The following CUX1 variants were observed in gnomAD, a reference collection of about 807,000 sequenced individuals.
The protein encoded by CUX1 is cut like homeobox 1, also known as protein CASP.
Under a neutral mutation model 158.8 loss-of-function variants are expected in CUX1, and 31 were observed. That is an observed-to-expected ratio of 0.20 (90% CI 0.15 to 0.26). The LOEUF (loss-of-function observed/expected upper bound fraction) is 0.26, where lower values mean the gene tolerates loss of function less well. Among genes scored for constraint, CUX1 ranks in the 10% least tolerant of loss-of-function variants. The pLI is 1.00. For synonymous variants in CUX1, 879 were observed against 862.1 expected (o/e 1.02, Z -0.34); for missense variants, 1,589 against 2,014.6 (o/e 0.79, Z 4.04).
chr7:101,962,132 AAACT>A (rs776164920), intron 2 of CUX1, among the ~76,000 whole-genome samples: 14 of 152,206 alleles, frequency 9.2e-5, no homozygotes, highest in Non-Finnish European at 2.1e-4. Flanking sequence ...AGAAAAATAT[AAACT>A]AACAGTAACA....
chr7:101,846,741 C>T (rs905881327), intron 1 of CUX1, among the ~76,000 whole-genome samples: 14 of 152,092 alleles, frequency 9.2e-5, no homozygotes, highest in African/African-American at 3.4e-4. Context: ...GGCAGCCCCA[C>T]GGACAGTAGC....
At chr7:101,939,823 C>T (rs1164094227) in intron 2 of CUX1, among the ~76,000 whole-genome samples, 2 of 151,768 alleles carry the variant, frequency 1.3e-5, no homozygotes, top group African/African-American at 4.8e-5. Flanking sequence ...TGGGGCTGAG[C>T]GCGGTAGCTC....
intron 1 of CUX1, among the ~76,000 whole-genome samples, chr7:101,902,081 T>G (rs1339172975): frequency 6.6e-6 from 1 of 152,208 alleles, no homozygotes; most frequent in Non-Finnish European, 1.5e-5. Context: ...CGTCTCGTTT[T>G]TCACTGATGA....
chr7:101,873,993 C>A (rs962407016), intron 1 of CUX1, among the ~76,000 whole-genome samples: 2 of 152,210 alleles, frequency 1.3e-5, no homozygotes, highest in Non-Finnish European at 2.9e-5. Context: ...AGTAAAGAGG[C>A]CCACAGTGCC....
chr7:102,173,744 G>A (rs1269674420), intron 10 of CUX1, among the ~76,000 whole-genome samples: 1 of 152,158 alleles, frequency 6.6e-6, no homozygotes, highest in Non-Finnish European at 1.5e-5. Context: ...GTTTTTGCAG[G>A]TAGAGTCCGT....
chr7:101,921,239 C>A (rs1332444883), intron 2 of CUX1, among the ~76,000 whole-genome samples: 1 of 152,140 alleles, frequency 6.6e-6, no homozygotes, highest in African/African-American at 2.4e-5. Context: ...CAGGGCCCCG[C>A]TCGCAGGGTT....
intron 8 of CUX1, among the ~76,000 whole-genome samples, chr7:102,150,126 A>C (rs186147844): frequency 6.6e-6 from 1 of 152,008 alleles, no homozygotes; most frequent in Non-Finnish European, 1.5e-5. Flanking sequence ...TATTGAGACT[A>C]TTGGTGGGTT....
In CUX1 at chr7:102,248,454, CG is replaced by C; in HGVS notation, c.3933del (p.Ser1312ValfsTer173). 1 of 1,598,954 alleles carries C rather than the reference CG, an allele frequency of 6.3e-7. No individual in the cohort carries two copies. On this transcript the variant is annotated frameshift_variant, in exon 24 of 24. Coordinates refer to ENST00000292535, the MANE Select transcript of CUX1 (RefSeq NM_181552.4). LOFTEE classifies it low-confidence loss of function (END_TRUNC). This position sits in a 1 kb window ranked among gnomAD's most constrained non-coding sequence, Gnocchi z 5.8. ...AACTGTTCATTGAGGAAATTCAGGC[CG>C]GGAGTCAGGGCCAGGCGGGCGCCAG... is the stretch of plus-strand genomic sequence containing the variant. ...RELFIEEIQA[G>X]SQGQAGASDS...
At chr7:102,117,538 G>C (rs555092877) in intron 8 of CUX1, among the ~76,000 whole-genome samples, 35 of 152,222 alleles carry the variant, frequency 2.3e-4, no homozygotes, top group African/African-American at 8.2e-4. Flanking sequence ...CTGAAGGTGA[G>C]GGCCCCCTCG....
chr7:101,854,287 G>A (rs371372583), intron 1 of CUX1, among the ~76,000 whole-genome samples: 28 of 152,108 alleles, frequency 1.8e-4, no homozygotes, highest in Admixed American at 3.9e-4. Context: ...CCTTCTAGCC[G>A]GGCTGCCAGC....
chr7:102,079,867 G>C (rs1358876165), intron 4 of CUX1, among the ~76,000 whole-genome samples: 4 of 152,136 alleles, frequency 2.6e-5, no homozygotes, highest in African/African-American at 9.7e-5. Flanking sequence ...GCCCTAAGCT[G>C]GTCCTGAAAC....
At chr7:101,956,292 C>T (rs998657032) in intron 2 of CUX1, among the ~76,000 whole-genome samples, 16 of 152,220 alleles carry the variant, frequency 1.1e-4, no homozygotes, top group African/African-American at 2.4e-4. Flanking sequence ...GCGGCCTCTC[C>T]GGATGCCAAG....
chr7:102,267,044 G>C (rs1342885385), intron 14 of CUX1, among the ~76,000 whole-genome samples: 1 of 152,104 alleles, frequency 6.6e-6, no homozygotes, highest in African/African-American at 2.4e-5. Flanking sequence ...GCATAGGGGT[G>C]GGGGCCAGCA....
At chr7:102,193,973 C>A in intron 13 of CUX1, 83 bp downstream of exon 13, 1 of 1,371,512 alleles carries the variant, frequency 7.3e-7, no homozygotes, top group Non-Finnish European at 1.0e-6. Context: ...TCCCATGATC[C>A]ACTGTTTCTA....
intron 14 of CUX1, among the ~76,000 whole-genome samples, chr7:102,268,990 G>A (rs1791010980): frequency 6.6e-6 from 1 of 150,666 alleles, no homozygotes; most frequent in South Asian, 2.1e-4. Flanking sequence ...AAGCAAGAGT[G>A]CAGTGGTGTG....
At chr7:101,851,820 T>G (rs562560477) in intron 1 of CUX1, among the ~76,000 whole-genome samples, 415 of 130,698 alleles carry the variant, frequency 3.2e-3, no homozygotes, top group African/African-American at 0.012. Flanking sequence ...TCATTTGTCT[T>G]TCTTCTCTCT....
At chr7:101,966,266 A>T (rs1811195034) in intron 2 of CUX1, among the ~76,000 whole-genome samples, 1 of 147,604 alleles carries the variant, frequency 6.8e-6, no homozygotes, top group Admixed American at 6.8e-5. Flanking sequence ...GTGTTTCAGC[A>T]TGTCACCCAG....
chr7:102,138,534 T>G (rs1395967076), intron 8 of CUX1, among the ~76,000 whole-genome samples: 1 of 152,202 alleles, frequency 6.6e-6, no homozygotes, highest in Non-Finnish European at 1.5e-5. Flanking sequence ...TGAGCCCTTC[T>G]GAAACCTTTT....
intron 14 of CUX1, among the ~76,000 whole-genome samples, chr7:102,266,485 A>G (rs1182815334): frequency 2.0e-5 from 3 of 151,942 alleles, no homozygotes; most frequent in Non-Finnish European, 4.4e-5. Flanking sequence ...GTAGAAGATC[A>G]AGTAGAAGAT....
Sources: gnomAD v4.1 joint callset for allele counts (sites outside exome capture counted in the v4.1 genomes callset) on GRCh38, gnomAD v4.1.1 for gene constraint, Gnocchi (gnomAD v3.1) non-coding constraint, MANE v1.5 for transcripts, NCBI Gene and HGNC (gene_info 2026-07-23, HGNC 2026-07-21) for gene names.